TEC: variants seen among roughly 807,000 people sequenced by gnomAD.
TEC encodes the protein tyrosine-protein kinase Tec.
In TEC, 72 loss-of-function variants were observed where a neutral mutation model predicts 93.0. The ratio of observed to expected loss-of-function variants is 0.77; its 90% confidence interval spans 0.64 to 0.94. The LOEUF (loss-of-function observed/expected upper bound fraction) is 0.94. Among genes scored for constraint, TEC ranks in the 40% least tolerant of loss-of-function variants. The pLI, the probability that TEC is intolerant of heterozygous loss-of-function variation, is 0.00. For missense variants in TEC, 630 were observed against 757.9 expected, an observed-to-expected ratio of 0.83 and a Z score of 1.98; for synonymous variants, 249 against 247.7, an observed-to-expected ratio of 1.01 and a Z score of -0.05.
intron 2 of TEC, among the ~76,000 whole-genome samples, chr4:48,216,301 C>T (rs1359532163): frequency 1.3e-5 from 2 of 151,826 alleles, no homozygotes; most frequent in East Asian, 1.9e-4. Flanking sequence ...CCAAGGATTC[C>T]TCCACTCATA....
intron 9 of TEC, among the ~76,000 whole-genome samples, chr4:48,152,770 G>T (rs1720227756): frequency 6.6e-6 from 1 of 152,098 alleles, no homozygotes. Flanking sequence ...GAAGAATCCT[G>T]TGGGCATGGT....
intron 13 of TEC, 39 bp from the exon 14 acceptor site, chr4:48,145,334 G>T (rs367940865): frequency 1.7e-5 from 28 of 1,611,408 alleles, no homozygotes; most frequent in Non-Finnish European, 2.3e-5. Flanking sequence ...TATAGGAAAA[G>T]AAACTACCAA....
chr4:48,229,513 G>A (rs1577658415), intron 1 of TEC, among the ~76,000 whole-genome samples: 2 of 152,244 alleles, frequency 1.3e-5, no homozygotes, highest in African/African-American at 2.4e-5. Flanking sequence ...CTGTGGCTGG[G>A]CACAGTGGCT....
At chr4:48,184,651 AGTCT>A (rs1279639541) in intron 2 of TEC, among the ~76,000 whole-genome samples, 1 of 152,152 alleles carries the variant, frequency 6.6e-6, no homozygotes, top group Non-Finnish European at 1.5e-5. Flanking sequence ...TTTTGTGTTC[AGTCT>A]GTCTGTGTTC....
intron 2 of TEC, among the ~76,000 whole-genome samples, chr4:48,192,162 T>A (rs954171258): frequency 4.6e-5 from 7 of 152,216 alleles, no homozygotes; most frequent in African/African-American, 1.7e-4. Flanking sequence ...AATGGAGTAC[T>A]TCACAGTAAT....
chr4:48,235,335 G>A lies in TEC; in HGVS notation c.-45-6676C>T, dbSNP rs373257208. Among the ~76,000 whole-genome samples, 11 of 152,180 alleles carry A rather than the reference G, an allele frequency of 7.2e-5. No individual in the cohort carries two copies. In the East Asian group the frequency reaches 1.9e-3, roughly 27 times the overall value. The stretch of plus-strand genomic sequence containing the variant: ...TACAGGAGCTCAGTCCAAAACAATG[G>A]CCTCCCATAATTTTTGTTTAATAAG... On this transcript the variant is annotated intron_variant, in intron 1 of 17. Transcript: ENST00000381501.
intron 1 of TEC, among the ~76,000 whole-genome samples, chr4:48,229,818 A>G (rs558895032): frequency 1.6e-4 from 24 of 150,872 alleles, no homozygotes; most frequent in South Asian, 6.3e-4. Context: ...TCACGCCTGT[A>G]ATCCCAGCAC....
intron 2 of TEC, among the ~76,000 whole-genome samples, chr4:48,219,547 A>C (rs1169537758): frequency 6.6e-6 from 1 of 152,214 alleles, no homozygotes; most frequent in Non-Finnish European, 1.5e-5. Flanking sequence ...GAAATAGTGA[A>C]AGTCTTAAAG....
At chr4:48,200,465 T>C (rs1722464930) in intron 2 of TEC, among the ~76,000 whole-genome samples, 1 of 152,182 alleles carries the variant, frequency 6.6e-6, no homozygotes, top group South Asian at 2.1e-4. Flanking sequence ...CACTCAGCCA[T>C]TGGGTACAAC....
intron 2 of TEC, among the ~76,000 whole-genome samples, chr4:48,203,012 G>C (rs2109599306): frequency 6.6e-6 from 1 of 152,320 alleles, no homozygotes; most frequent in Non-Finnish European, 1.5e-5. Context: ...CAAAGGCGAG[G>C]TGAGTTCCTT....
rs370469130 is a variant in TEC, at chr4:48,137,372, C to T, written c.*44G>A. On this transcript the variant is annotated 3_prime_UTR_variant, in exon 18 of 18. Transcript: ENST00000381501. ...AATTAAAAGCCACAAAATGCCCATC[C>T]TTCCTTGTGCTTGGGAATCTGGGAG... The T allele has an allele frequency of 6.6e-7, 1 of 1,518,252 alleles. No individual in the cohort carries two copies. Among genetic ancestry groups the T allele is most frequent in the Admixed American group, 1.8e-5 (1 of 56,686 alleles). The allele number at this position is 1,518,252 out of a possible 1,614,324, so 94.0% of individuals were successfully genotyped here. A position where few individuals can be genotyped will look rare whatever the true frequency, so the allele number is the denominator to read the frequency against.
intron 1 of TEC, among the ~76,000 whole-genome samples, chr4:48,233,121 G>A (rs967806708): frequency 2.6e-5 from 4 of 152,094 alleles, no homozygotes; most frequent in Admixed American, 2.6e-4. Context: ...CACTGAAAAG[G>A]AGGAGCTTAA....
chr4:48,260,353 G>A (rs568189206), intron 1 of TEC, among the ~76,000 whole-genome samples: 6 of 152,336 alleles, frequency 3.9e-5, no homozygotes, highest in Non-Finnish European at 8.8e-5. Context: ...GGAGGCCGAG[G>A]TGGGAGAATC....
chr4:48,174,382 G>A (rs980176497), intron 3 of TEC, among the ~76,000 whole-genome samples: 6 of 152,106 alleles, frequency 3.9e-5, no homozygotes, highest in African/African-American at 4.8e-5. Flanking sequence ...TAGGAGGCCC[G>A]GTGCAGTGGC....
chr4:48,211,975 T>C (rs1722915830), intron 2 of TEC, among the ~76,000 whole-genome samples: 1 of 151,580 alleles, frequency 6.6e-6, no homozygotes, highest in Non-Finnish European at 1.5e-5. Context: ...GGCACGCACC[T>C]GTAGTCCCAT....
chr4:48,162,187 G>T (rs1720697403), intron 8 of TEC, among the ~76,000 whole-genome samples: 1 of 152,152 alleles, frequency 6.6e-6, no homozygotes, highest in Non-Finnish European at 1.5e-5. Context: ...ATGGGAACAG[G>T]TTTCCCCTTG....
intron 2 of TEC, among the ~76,000 whole-genome samples, chr4:48,196,600 A>T (rs1163447374): frequency 2.0e-5 from 3 of 152,210 alleles, no homozygotes; most frequent in Middle Eastern, 6.3e-3. Context: ...ACTAGTTTTG[A>T]TTAAGAAACG....
At chr4:48,163,534 G>C (rs1055393927) in intron 8 of TEC, among the ~76,000 whole-genome samples, 168 bp downstream of exon 8, 4 of 152,240 alleles carry the variant, frequency 2.6e-5, no homozygotes, top group African/African-American at 9.6e-5. Flanking sequence ...ATATATTATA[G>C]AGATTAATTC....
At chr4:48,155,419 A>C (rs1461534731) in intron 9 of TEC, among the ~76,000 whole-genome samples, 1 of 152,168 alleles carries the variant, frequency 6.6e-6, no homozygotes, top group African/African-American at 2.4e-5. Context: ...CTTATGGCAA[A>C]AGCCAGTTAG....
Sources: gnomAD v4.1 joint callset for allele counts (sites outside exome capture counted in the v4.1 genomes callset) on GRCh38, gnomAD v4.1.1 for gene constraint, MANE v1.5 for transcripts, NCBI Gene and HGNC (gene_info 2026-07-23, HGNC 2026-07-21) for gene names.